Variants in DNM2 observed in about 807,000 individuals in gnomAD.
DNM2 encodes dynamin 2.
In DNM2, 15 loss-of-function variants were observed where a neutral mutation model predicts 99.0. That is an observed-to-expected ratio of 0.15 (90% CI 0.10 to 0.23). The LOEUF is 0.23. DNM2 is among the 10% of genes least tolerant of loss of function. The probability of loss-of-function intolerance (pLI) is 1.00; values close to 1 mark genes in which losing one functional copy is unlikely to be tolerated. For missense variants in DNM2, 742 were observed against 1,189.4 expected, an observed-to-expected ratio of 0.62 and a Z score of 5.53; for synonymous variants, 525 against 481.2, an observed-to-expected ratio of 1.09 and a Z score of -1.19.
Position 10,783,140 on chromosome 19 carries a change from G to A in DNM2, c.849+20G>A, listed in dbSNP as rs995166192. On this transcript the variant is annotated intron_variant, in intron 6 of 20. Transcript: ENST00000389253. ...AATCAGGTACTGCAAGGGTTTGCAC[G>A]TAGTGTGCAGTGGCATAGGCTGTGC... The A allele has an allele frequency of 1.2e-5, 19 of 1,606,708 alleles. No individual in the cohort carries two copies. Among genetic ancestry groups the A allele is most frequent in the South Asian group, 2.2e-5 (2 of 91,094 alleles).
chr19:10,756,486 G>A (rs886705406), intron 1 of DNM2, among the ~76,000 whole-genome samples: 2 of 152,188 alleles, frequency 1.3e-5, no homozygotes, highest in Non-Finnish European at 2.9e-5. Context: ...CTCATCAGCC[G>A]AATGGGAGGC....
intron 15 of DNM2, among the ~76,000 whole-genome samples, chr19:10,819,621 C>T (rs2072903472): frequency 6.6e-6 from 1 of 152,078 alleles, no homozygotes; most frequent in Non-Finnish European, 1.5e-5. Context: ...GCACCTAGGT[C>T]AACAAGCGCA....
At chr19:10,788,045 A>G (rs780162692) in intron 7 of DNM2, among the ~76,000 whole-genome samples, 7 of 151,650 alleles carry the variant, frequency 4.6e-5, no homozygotes, top group Non-Finnish European at 5.9e-5. Context: ...CAGCCTGGCC[A>G]ACATGGTGAA....
At chr19:10,779,126 A>G (rs1238251054) in intron 5 of DNM2, among the ~76,000 whole-genome samples, 2 of 151,798 alleles carry the variant, frequency 1.3e-5, no homozygotes, top group Non-Finnish European at 2.9e-5. Context: ...GAGGCAGGAG[A>G]ATCGCTTGAA....
At position 10,818,738 on chromosome 19, in the gene DNM2, A is replaced by C. The variant is rs1439841863; in HGVS notation, c.1672-1242A>C. On this transcript the variant is annotated intron_variant, in intron 15 of 20. Coordinates refer to ENST00000389253, the MANE Select transcript of DNM2 (RefSeq NM_001005361.3). This position sits in a 1 kb window ranked among gnomAD's most constrained non-coding sequence, Gnocchi z 4.3. ...TGGGGCAGCGCAGTGAGGGGACATG[A>C]GAGGAGTTTCCAGAGACGGCCCAGG... is the stretch of plus-strand genomic sequence containing the variant. Among the ~76,000 whole-genome samples, 1 of 152,126 alleles carries C rather than the reference A, an allele frequency of 6.6e-6. No individual in the cohort carries two copies. The highest frequency in any genetic ancestry group is 2.4e-5 in the African/African-American group (1 of 41,448).
At chr19:10,751,357 G>A (rs981208393) in intron 1 of DNM2, among the ~76,000 whole-genome samples, 4 of 152,148 alleles carry the variant, frequency 2.6e-5, no homozygotes, top group Non-Finnish European at 1.5e-5. Context: ...CAAAGGGAGA[G>A]GAGAGGAGTA....
At position 10,830,795 on chromosome 19, in the gene DNM2, A is replaced by C. The variant is rs2073319501; in HGVS notation, c.2544-183A>C. ...GCAGGGGGCTCACTGAGGGTCAAAC[A>C]GCAGGCGAGTTGATGCCTAGGTTTG... On this transcript the variant is annotated intron_variant, in intron 20 of 20. Coordinates refer to ENST00000389253, the MANE Select transcript of DNM2 (RefSeq NM_001005361.3). This position sits in a 1 kb window ranked among gnomAD's most constrained non-coding sequence, Gnocchi z 4.8. 6.6e-6 allele frequency among the ~76,000 whole-genome samples: 1 copy of C among 152,054 alleles called. No individual in the cohort carries two copies. The highest frequency in any genetic ancestry group is 1.5e-5 in the Non-Finnish European group (1 of 67,984).
intron 1 of DNM2, among the ~76,000 whole-genome samples, chr19:10,747,274 A>T (rs974592542): frequency 3.9e-5 from 6 of 152,144 alleles, no homozygotes; most frequent in African/African-American, 1.4e-4. Context: ...TCATTCCCAC[A>T]TAACAGATTG....
In DNM2 at chr19:10,765,323, C is replaced by T. The variant is rs1329629716; in HGVS notation, c.235+5512C>T. 6.6e-6 allele frequency among the ~76,000 whole-genome samples: 1 copy of T among 152,250 alleles called. No individual in the cohort carries two copies. Among genetic ancestry groups the T allele is most frequent in the Non-Finnish European group, 1.5e-5 (1 of 68,050 alleles). ...AACAGGCATGCAGATCGGCTCTGCCCAGCACAGGGCCTGGCGCCGAGCAGG... is the reference window on the plus strand; with the variant it reads ...AACAGGCATGCAGATCGGCTCTGCCTAGCACAGGGCCTGGCGCCGAGCAGG... On this transcript the variant is annotated intron_variant, in intron 2 of 20. Transcript: ENST00000389253. The surrounding 1 kb of genome is among the most constrained non-coding windows in gnomAD (Gnocchi z 4.4).
chr19:10,741,305 C>T (rs1255507687), intron 1 of DNM2, among the ~76,000 whole-genome samples: 3 of 151,968 alleles, frequency 2.0e-5, no homozygotes, highest in Admixed American at 1.3e-4. Context: ...GATCATAGCT[C>T]ACTGTAGCTT....
chr19:10,720,764 C>G (rs1346992189), intron 1 of DNM2, among the ~76,000 whole-genome samples: 1 of 152,154 alleles, frequency 6.6e-6, no homozygotes, highest in African/African-American at 2.4e-5. Flanking sequence ...ACTTACCTAA[C>G]GCACTGCCTG....
At position 10,817,643 on chromosome 19, in the gene DNM2, G is replaced by A. The variant is rs950661975; in HGVS notation, c.1672-2337G>A. 13 of 233,542 alleles carry A rather than the reference G, an allele frequency of 5.6e-5. No homozygotes were observed. The highest frequency in any genetic ancestry group is 1.2e-4 in the African/African-American group (5 of 42,012). 14.5% of individuals were successfully genotyped at this position (233,542 alleles called of 1,614,324 possible). ...GTCCCTTCTGACGTGGCAAGGCTGG[G>A]GCCGGCTCGCATCTGGAGAAAGTTC... On this transcript the variant is annotated intron_variant, in intron 15 of 20. Transcript: ENST00000389253. This position sits in a 1 kb window ranked among gnomAD's most constrained non-coding sequence, Gnocchi z 4.6.
At chr19:10,803,940 A>G (rs1369993099) in intron 12 of DNM2, among the ~76,000 whole-genome samples, 3 of 152,160 alleles carry the variant, frequency 2.0e-5, no homozygotes, top group African/African-American at 7.2e-5. Context: ...GGTAGGGGAT[A>G]GACTATGGGA....
At chr19:10,781,862 A>G (rs1454417850) in intron 5 of DNM2, 1 of 150,946 alleles carries the variant, frequency 6.6e-6, no homozygotes, top group Non-Finnish European at 1.5e-5. Flanking sequence ...TCCCCCATAT[A>G]CTGAAGCGTT....
chr19:10,732,794 C>T (rs1173102387), intron 1 of DNM2, among the ~76,000 whole-genome samples: 1 of 152,082 alleles, frequency 6.6e-6, no homozygotes, highest in Admixed American at 6.6e-5. Flanking sequence ...CGCTCCCGCT[C>T]CACAGTCCAA....
intron 19 of DNM2, among the ~76,000 whole-genome samples, chr19:10,829,868 G>A (rs1324212657): frequency 6.6e-6 from 1 of 152,164 alleles, no homozygotes; most frequent in African/African-American, 2.4e-5. Context: ...GGCTTGATCT[G>A]GAGGACTCTG....
At chr19:10,798,368 G>A (rs551475418) in intron 10 of DNM2, 118 bp from the exon 11 acceptor site, 27 of 600,882 alleles carry the variant, frequency 4.5e-5, no homozygotes, top group Admixed American at 7.3e-5. Flanking sequence ...GTGTGGGCTC[G>A]GTGGGCCCCC....
intron 1 of DNM2, among the ~76,000 whole-genome samples, chr19:10,732,590 A>G (rs1474975102): frequency 6.6e-6 from 1 of 151,434 alleles, no homozygotes; most frequent in African/African-American, 2.4e-5. Flanking sequence ...ATAGAGCGAG[A>G]CTCCGTCTCA....
chr19:10,830,351 C>A lies in DNM2; in HGVS notation c.2516C>A (p.Pro839His), dbSNP rs1237956412. The change falls in exon 20 of 21, where the codon CCC becomes CAC. Residue 839 changes from proline (P) to histidine (H), a missense_variant. Transcript: ENST00000389253. The surrounding 1 kb of genome is among the most constrained non-coding windows in gnomAD (Gnocchi z 4.8). ...PQIPSRPVRI[P>H]PGIPPGVPSR... ...ATCCCATCTCGGCCAGTTCGGATCC[C>A]CCCAGGGATTCCCCCAGGAGTGCCC... is the stretch of plus-strand genomic sequence containing the variant. 6.2e-7 allele frequency: 1 copy of A among 1,612,252 alleles called. No homozygotes were observed. The highest frequency in any genetic ancestry group is 1.3e-5 in the African/African-American group (1 of 74,910).
Sources: gnomAD v4.1 joint callset for allele counts (sites outside exome capture counted in the v4.1 genomes callset) on GRCh38, gnomAD v4.1.1 for gene constraint, Gnocchi (gnomAD v3.1) non-coding constraint, MANE v1.5 for transcripts, NCBI Gene and HGNC (gene_info 2026-07-23, HGNC 2026-07-21) for gene names.